Variants in SGSM1 observed in about 807,000 individuals in gnomAD.
SGSM1 encodes the protein RUN and TBC1 domain containing 2.
SGSM1 carries 73 observed loss-of-function variants against 133.8 expected under a neutral mutation model. That is an observed-to-expected ratio of 0.55 (90% CI 0.45 to 0.66). The LOEUF (loss-of-function observed/expected upper bound fraction) is 0.66. SGSM1 is among the 30% of genes least tolerant of loss of function. The pLI is 0.00. For missense variants in SGSM1, 1,213 were observed against 1,448.1 expected (o/e 0.84, Z 2.64); for synonymous variants, 563 against 573.0 (o/e 0.98, Z 0.25).
intron 16 of SGSM1, 63 bp from the exon 17 acceptor site, chr22:24,893,368 G>C (rs3765480): frequency 0.13 from 204,138 of 1,574,858 alleles, 16,489 homozygotes; most frequent in African/African-American, 0.35. Flanking sequence ...TTCCACGTTG[G>C]TCTGGCCCTC....
At chr22:24,860,912 A>ATATAT (rs1356480013) in intron 9 of SGSM1, among the ~76,000 whole-genome samples, 70 of 97,650 alleles carry the variant, frequency 7.2e-4, no homozygotes, top group East Asian at 2.0e-3. Flanking sequence ...AAAAAAAAAA[A>ATATAT]AAAAAAAAAA....
chr22:24,912,577 G>T, intron 21 of SGSM1, 66 bp from the exon 22 acceptor site: 1 of 1,076,844 alleles, frequency 9.3e-7, no homozygotes, highest in Non-Finnish European at 1.4e-6. Context: ...GATTTGGAGA[G>T]GACAAACATC....
chr22:24,859,715 G>C lies in SGSM1; in HGVS notation c.802-1G>C. ...AGACCTGAGTCCTCCTCTCTCTGCA[G>C]AGGGACGACATGGAGGCTGTGCCAG... On this transcript the variant is annotated splice_acceptor_variant, in intron 8 of 24. Transcript: ENST00000400358. LOFTEE classifies it high-confidence loss of function. The C allele has an allele frequency of 6.2e-7, 1 of 1,613,782 alleles. No homozygotes were observed.
intron 21 of SGSM1, among the ~76,000 whole-genome samples, chr22:24,912,238 T>A (rs534179219): frequency 6.6e-6 from 1 of 152,320 alleles, no homozygotes; most frequent in East Asian, 1.9e-4. Context: ...GAATACAATA[T>A]GGACTTTAGT....
chr22:24,889,785 G>A (rs893884196), intron 16 of SGSM1, among the ~76,000 whole-genome samples: 1 of 150,610 alleles, frequency 6.6e-6, no homozygotes, highest in African/African-American at 2.4e-5. Context: ...AAATAGCTGG[G>A]ACTACAGGCG....
Position 24,847,687 on chromosome 22 carries a change from C to T in SGSM1, c.193C>T (p.Leu65=), listed in dbSNP as rs1157331788. 6.2e-7 allele frequency: 1 copy of T among 1,613,878 alleles called. No individual in the cohort carries two copies. Among genetic ancestry groups the T allele is most frequent in the South Asian group, 1.1e-5 (1 of 91,074 alleles). The change falls in exon 4 of 25, where the codon CTA becomes TTA. Residue 65 remains leucine (L), a synonymous_variant. Transcript: ENST00000400358. ...GCTTCGGCGGCGGGCGGCTGGCTTC[C>T]TACGCAGCAATAAGATTGCAGCCCT... The part of the protein sequence containing the change: ...HGLRRRAAGF[L]RSNKIAALFM...
chr22:24,832,990 A>C (rs892501596), intron 2 of SGSM1, among the ~76,000 whole-genome samples: 5 of 151,372 alleles, frequency 3.3e-5, no homozygotes, highest in Admixed American at 6.6e-5. Context: ...GGCTGGAGAC[A>C]GTGGCGCGAT....
At position 24,905,147 on chromosome 22, in the gene SGSM1, G is replaced by T; in HGVS notation, c.2778G>T (p.Met926Ile). The T allele has an allele frequency of 6.2e-7, 1 of 1,614,046 alleles. No homozygotes were observed. Among genetic ancestry groups the T allele is most frequent in the Non-Finnish European group, 8.5e-7 (1 of 1,179,902 alleles). The change falls in exon 21 of 25, where the codon ATG becomes ATT. Residue 926 changes from methionine (M) to isoleucine (I), a missense_variant. By Grantham distance (10) the Met-to-Ile change is conservative. Coordinates refer to ENST00000400358, the MANE Select transcript of SGSM1 (RefSeq NM_001098497.3). ...QHIEIGYVQG[M>I]CDLLAPLLVI... The stretch of plus-strand genomic sequence containing the variant: ...TTGAGATCGGCTATGTCCAGGGCAT[G>T]TGTGATCTTCTGGCTCCACTGCTGG...
chr22:24,907,933 A>AG (rs1555937506), intron 21 of SGSM1, among the ~76,000 whole-genome samples: 186 of 109,976 alleles, frequency 1.7e-3, no homozygotes, highest in African/African-American at 7.0e-3. Context: ...AAAAAAAAAA[A>AG]AAGATGTTGC....
At chr22:24,905,526 G>A (rs1304608385) in intron 21 of SGSM1, among the ~76,000 whole-genome samples, 7 of 152,242 alleles carry the variant, frequency 4.6e-5, no homozygotes, top group South Asian at 4.1e-4. Flanking sequence ...AGTGGCTCAC[G>A]CCTGTAATCC....
chr22:24,864,511 C>T (rs1931343226), intron 9 of SGSM1, among the ~76,000 whole-genome samples: 1 of 152,184 alleles, frequency 6.6e-6, no homozygotes, highest in African/African-American at 2.4e-5. Context: ...GATAAATCAC[C>T]AGTGGATATT....
rs1369723345 is a variant in SGSM1, at chr22:24,855,398, C to T, written c.637C>T (p.Gln213Ter). 1 of 1,613,574 alleles carries T rather than the reference C, an allele frequency of 6.2e-7. No homozygotes were observed. The highest frequency in any genetic ancestry group is 1.7e-5 in the Admixed American group (1 of 59,994). ...RHRIHSSHVR[Q>*]DSPTKRPALC... ...CCGCATCCACAGCTCCCACGTGCGG[C>T]AGGACTCGCCCACCAAGCGTCCTGC... The change falls in exon 7 of 25, where the codon CAG (glutamine) becomes TAG (stop). Residue 213 changes from glutamine to a stop codon, truncating the protein, a stop_gained. Transcript: ENST00000400358. LOFTEE classifies it high-confidence loss of function.
intron 9 of SGSM1, among the ~76,000 whole-genome samples, chr22:24,862,733 T>C (rs1343170767): frequency 2.6e-5 from 4 of 152,204 alleles, no homozygotes; most frequent in Non-Finnish European, 1.5e-5. Context: ...AGACAATGAA[T>C]GAGCAAGGAG....
In SGSM1 at chr22:24,905,127, A is replaced by T. The variant is rs1005349929; in HGVS notation, c.2758A>T (p.Ile920Phe). 12 of 1,613,826 alleles carry T rather than the reference A, an allele frequency of 7.4e-6. No individual in the cohort carries two copies. Among genetic ancestry groups the T allele is most frequent in the Non-Finnish European group, 1.0e-5 (12 of 1,179,900 alleles). The stretch of plus-strand genomic sequence containing the variant: ...TAGCTACATCTGGCAGCACATTGAG[A>T]TCGGCTATGTCCAGGGCATGTGTGA... ...MCSYIWQHIEIGYVQGMCDLL... is the reference protein window; with the variant it reads ...MCSYIWQHIEFGYVQGMCDLL... The change falls in exon 21 of 25, where the codon ATC becomes TTC. Residue 920 changes from isoleucine to phenylalanine, a missense_variant. Transcript: ENST00000400358.
intron 22 of SGSM1, among the ~76,000 whole-genome samples, chr22:24,914,775 C>T (rs952163011): frequency 2.0e-5 from 3 of 152,188 alleles, no homozygotes; most frequent in African/African-American, 7.2e-5. Flanking sequence ...GCAGTTGATT[C>T]CTCTTTCCCG....
intron 17 of SGSM1, among the ~76,000 whole-genome samples, chr22:24,894,878 G>GAA (rs35536458): frequency 6.7e-6 from 1 of 148,764 alleles, no homozygotes. Context: ...GGGATCATGG[G>GAA]AAAAAAAAAA....
chr22:24,842,547 G>A (rs973284093), intron 2 of SGSM1, among the ~76,000 whole-genome samples: 7 of 152,156 alleles, frequency 4.6e-5, no homozygotes, highest in African/African-American at 1.4e-4. Flanking sequence ...GGAACTCAAG[G>A]TAGTTGTTGG....
At chr22:24,866,079 A>G (rs1931441743) in intron 9 of SGSM1, among the ~76,000 whole-genome samples, 1 of 152,210 alleles carries the variant, frequency 6.6e-6, no homozygotes, top group African/African-American at 2.4e-5. Flanking sequence ...GGCCACCACA[A>G]AGCCCAAGTT....
chr22:24,839,047 T>C (rs767816552), intron 2 of SGSM1, among the ~76,000 whole-genome samples: 14 of 152,116 alleles, frequency 9.2e-5, no homozygotes, highest in Non-Finnish European at 1.8e-4. Context: ...AGGATGCCTT[T>C]CCATTTATTT....
Sources: allele counts gnomAD v4.1 joint callset (sites outside exome capture counted in the v4.1 genomes callset), GRCh38; gene constraint gnomAD v4.1.1; transcripts MANE v1.5; gene names NCBI Gene and HGNC (gene_info 2026-07-23, HGNC 2026-07-21).